The following MON2 variants were observed in gnomAD, a reference collection of about 807,000 sequenced individuals.
MON2 encodes the protein protein MON2 homolog.
In MON2, 84 loss-of-function variants were observed where a neutral mutation model predicts 208.6. The ratio of observed to expected loss-of-function variants is 0.40; its 90% CI spans 0.34 to 0.48. The LOEUF (loss-of-function observed/expected upper bound fraction) is 0.48. MON2 is among the 20% of genes least tolerant of loss of function. The probability of loss-of-function intolerance (pLI) is 0.59; values close to 1 mark genes in which losing one functional copy is unlikely to be tolerated. For synonymous variants in MON2, 660 were observed against 694.0 expected (o/e 0.95, Z 0.77); for missense variants, 1,611 against 2,015.4 (o/e 0.80, Z 3.84).
At position 62,535,640 on chromosome 12, in the gene MON2, G is replaced by A. The variant is rs2072931583; in HGVS notation, c.1831G>A (p.Gly611Ser). The change falls in exon 14 of 35, where the codon GGT becomes AGT. Residue 611 changes from glycine to serine, a missense_variant. Coordinates refer to ENST00000393630, the MANE Select transcript of MON2 (RefSeq NM_015026.3). ...TGCCTTTATAACTGCAATATGCAAAGGTTCCCTGCCTCCCCATTATGCTCT... is the reference window on the plus strand; with the variant it reads ...TGCCTTTATAACTGCAATATGCAAAAGTTCCCTGCCTCCCCATTATGCTCT... ...RDAFITAICK[G>S]SLPPHYALTV... 1 of 1,613,568 alleles carries A rather than the reference G, an allele frequency of 6.2e-7. No individual in the cohort carries two copies. The highest frequency in any genetic ancestry group is 1.3e-5 in the African/African-American group (1 of 74,818).
At chr12:62,573,056 T>TA (rs1332985427) in intron 30 of MON2, among the ~76,000 whole-genome samples, 1 of 152,234 alleles carries the variant, frequency 6.6e-6, no homozygotes. Context: ...GAATTTAAAA[T>TA]AATAACAGGT....
intron 21 of MON2, chr12:62,545,496 C>T (rs1232951159): frequency 6.6e-6 from 1 of 151,998 alleles, no homozygotes; most frequent in African/African-American, 2.4e-5. Flanking sequence ...ATTATTTGTA[C>T]CCACTTTTTA....
chr12:62,573,493 G>A (rs967441830), intron 30 of MON2, among the ~76,000 whole-genome samples: 3 of 151,364 alleles, frequency 2.0e-5, no homozygotes, highest in Admixed American at 6.6e-5. Flanking sequence ...TTGGGAGGCT[G>A]AGGTGGGAGG....
At chr12:62,484,284 T>A in intron 2 of MON2, 51 bp downstream of exon 2, 1 of 1,166,356 alleles carries the variant, frequency 8.6e-7, no homozygotes, top group Non-Finnish European at 1.2e-6. Context: ...TGACTAATAG[T>A]AAAAGTAGAA....
At chr12:62,503,734 C>T (rs1461874397) in intron 7 of MON2, among the ~76,000 whole-genome samples, 2 of 152,140 alleles carry the variant, frequency 1.3e-5, no homozygotes, top group Non-Finnish European at 2.9e-5. Flanking sequence ...GTGCCTCAAG[C>T]AGACTCGTGC....
In MON2 at chr12:62,549,841, T is replaced by C. The variant is rs775555016; in HGVS notation, c.2916+11T>C. On this transcript the variant is annotated intron_variant, in intron 23 of 34. Coordinates refer to ENST00000393630, the MANE Select transcript of MON2 (RefSeq NM_015026.3). Reference sequence around the variant, plus strand: ...TCAATAGGTTTATTGGTAAGTATCATTGTCCTTAGAATATAATATAATTTA... The same window carrying C: ...TCAATAGGTTTATTGGTAAGTATCACTGTCCTTAGAATATAATATAATTTA... 1.4e-5 allele frequency: 21 copies of C among 1,522,202 alleles called. No individual in the cohort carries two copies. Among genetic ancestry groups the C allele is most frequent in the Non-Finnish European group, 1.7e-5 (19 of 1,117,946 alleles). The allele number at this position is 1,522,202 out of a possible 1,614,324, so 94.3% of individuals were successfully genotyped here. A position where few individuals can be genotyped will look rare whatever the true frequency, so the allele number is the denominator to read the frequency against.
chr12:62,483,542 A>G (rs1427997179), intron 1 of MON2, among the ~76,000 whole-genome samples: 1 of 152,026 alleles, frequency 6.6e-6, no homozygotes, highest in Non-Finnish European at 1.5e-5. Context: ...TACAAAAATA[A>G]AACACTCTAC....
At chr12:62,467,354 AG>A (rs2068566743) in intron 1 of MON2, 36 bp downstream of exon 1, 1 of 1,541,676 alleles carries the variant, frequency 6.5e-7, no homozygotes, top group African/African-American at 1.4e-5. Flanking sequence ...AGGCACTGTG[AG>A]CATGCCTGGT....
At chr12:62,577,774 A>G (rs2074845964) in intron 30 of MON2, among the ~76,000 whole-genome samples, 1 of 152,148 alleles carries the variant, frequency 6.6e-6, no homozygotes, top group Non-Finnish European at 1.5e-5. Flanking sequence ...TTATTCTAAC[A>G]GTTATTACTA....
In MON2 at chr12:62,566,365, C is replaced by T. The variant is rs766055883; in HGVS notation, c.4238C>T (p.Ser1413Phe). 1 of 1,613,356 alleles carries T rather than the reference C, an allele frequency of 6.2e-7. No homozygotes were observed. The highest frequency in any genetic ancestry group is 1.3e-5 in the African/African-American group (1 of 74,848). ...AATTATGTGCCGTTTGCTGAAAGGTCTTTAGAAGTAGTTGTGGATTTATAC... is the reference window on the plus strand; with the variant it reads ...AATTATGTGCCGTTTGCTGAAAGGTTTTTAGAAGTAGTTGTGGATTTATAC... The part of the protein sequence containing the change: ...ALNYVPFAER[S>F]LEVVVDLYQK... Residue 1413 changes from serine to phenylalanine, a missense_variant, in exon 29 of 35, where the codon TCT becomes TTT. Transcript: ENST00000393630.
At chr12:62,508,169 C>G in intron 7 of MON2, 117 bp from the exon 8 acceptor site, 1 of 733,606 alleles carries the variant, frequency 1.4e-6, no homozygotes, top group Non-Finnish European at 2.2e-6. Context: ...TATAGTAAAG[C>G]TAAATTATTA....
At chr12:62,537,055 G>A in intron 14 of MON2, 96 bp from the exon 15 acceptor site, 1 of 668,114 alleles carries the variant, frequency 1.5e-6, no homozygotes, top group East Asian at 3.1e-5. Context: ...ATAAGTGTAT[G>A]GCTAAACTTG....
Position 62,561,204 on chromosome 12 carries a change from T to A in MON2, c.4032+91T>A. ...TATATTTGCGGGGATAAATTTTAGA[T>A]CATCAAGATTGTTTTATATGTATAC... On this transcript the variant is annotated intron_variant, in intron 26 of 34. Coordinates refer to ENST00000393630, the MANE Select transcript of MON2 (RefSeq NM_015026.3). 6.5e-6 allele frequency: 7 copies of A among 1,080,538 alleles called. No homozygotes were observed. In the Middle Eastern group the frequency reaches 1.0e-3, roughly 155 times the overall value. The allele number at this position is 1,080,538 out of a possible 1,614,324, so 66.9% of individuals were successfully genotyped here. A position where few individuals can be genotyped will look rare whatever the true frequency, so the allele number is the denominator to read the frequency against.
intron 1 of MON2, chr12:62,482,282 A>G (rs914555806): frequency 2.0e-5 from 3 of 152,238 alleles, no homozygotes; most frequent in African/African-American, 7.2e-5. Flanking sequence ...AATTCTTCAA[A>G]CACAAGCAAG....
intron 10 of MON2, among the ~76,000 whole-genome samples, chr12:62,525,663 T>C (rs7307786): frequency 0.13 from 19,245 of 152,132 alleles, 1,329 homozygotes; most frequent in East Asian, 0.27. Context: ...TTTTGTATAC[T>C]TTATTCCCAC....
rs761766380 is a variant in MON2 at position 62,571,530 on chromosome 12, A to C, written c.4462A>C (p.Ser1488Arg). ...RQHASSGKFD[S>R]MWPELANTFE... is the part of the protein sequence containing the mutation. ...GCATGCTTCTTCTGGAAAATTTGAC[A>C]GTATGTGGCCAGAACTAGCCAATAC... Residue 1488 changes from serine (S) to arginine (R), a missense_variant, in exon 30 of 35, where the codon AGT (serine) becomes CGT (arginine). Transcript: ENST00000393630. 6.2e-6 allele frequency: 10 copies of C among 1,613,994 alleles called. No individual in the cohort carries two copies. Among genetic ancestry groups the C allele is most frequent in the Non-Finnish European group, 8.5e-6 (10 of 1,180,000 alleles).
At chr12:62,525,526 G>A (rs1164436425) in intron 10 of MON2, among the ~76,000 whole-genome samples, 1 of 151,988 alleles carries the variant, frequency 6.6e-6, no homozygotes, top group South Asian at 2.1e-4. Context: ...GAGTCTAGAT[G>A]GTTACCACCT....
chr12:62,584,705 CAAAAAAAAAAA>C (rs1226172058), intron 32 of MON2, among the ~76,000 whole-genome samples: 3 of 71,376 alleles, frequency 4.2e-5, no homozygotes, highest in African/African-American at 6.5e-5. Context: ...TCTGTCTCAA[CAAAAAAAAAAA>C]AAAAAAAAAA....
intron 14 of MON2, 58 bp from the exon 15 acceptor site, chr12:62,537,093 A>G (rs2073011959): frequency 2.9e-6 from 3 of 1,022,042 alleles, no homozygotes; most frequent in African/African-American, 1.7e-5. Context: ...ATATAACATT[A>G]CTTTAAATGC....
Sources: gnomAD v4.1 joint callset for allele counts (sites outside exome capture counted in the v4.1 genomes callset) on GRCh38, gnomAD v4.1.1 for gene constraint, MANE v1.5 for transcripts, NCBI Gene and HGNC (gene_info 2026-07-23, HGNC 2026-07-21) for gene names.